Variants in ADAMTS6 observed in about 807,000 individuals in gnomAD.
ADAMTS6 encodes ADAM metallopeptidase with thrombospondin type 1 motif 6.
A neutral mutation model predicts 144.3 loss-of-function variants in ADAMTS6; 23 were observed. The observed-to-expected ratio is 0.16, with a 90% CI of 0.11 to 0.23. The LOEUF (loss-of-function observed/expected upper bound fraction) is 0.23. Among genes scored for constraint, ADAMTS6 ranks in the 10% least tolerant of loss-of-function variants. ADAMTS6 has a pLI of 1.00. For missense variants in ADAMTS6, 999 were observed against 1,379.6 expected (o/e 0.72, Z 4.37); for synonymous variants, 444 against 457.5 (o/e 0.97, Z 0.38).
At chr5:65,310,229 A>T (rs1159573608) in intron 9 of ADAMTS6, among the ~76,000 whole-genome samples, 3 of 152,070 alleles carry the variant, frequency 2.0e-5, no homozygotes, top group African/African-American at 7.2e-5. Context: ...TGCCAGCATC[A>T]TGCTTTCTGT....
At chr5:65,368,667 G>A (rs1328756479) in intron 7 of ADAMTS6, among the ~76,000 whole-genome samples, 1 of 152,204 alleles carries the variant, frequency 6.6e-6, no homozygotes, top group Non-Finnish European at 1.5e-5. Context: ...TGTCAGAGTA[G>A]AAATATAGAA....
intron 1 of ADAMTS6, among the ~76,000 whole-genome samples, chr5:65,476,094 G>C (rs1760823057): frequency 6.6e-6 from 1 of 152,170 alleles, no homozygotes; most frequent in African/African-American, 2.4e-5. Flanking sequence ...TTTAGATGAA[G>C]CAAGCAAGCT....
rs1235818817 is a variant in ADAMTS6, at chr5:65,230,726, A to C, written c.1934-4507T>G. Among the ~76,000 whole-genome samples, 5 of 101,074 alleles carry C rather than the reference A, an allele frequency of 4.9e-5. 1 individual carries two copies. Among genetic ancestry groups the C allele is most frequent in the Non-Finnish European group, 9.5e-5 (5 of 52,482 alleles). 66.3% of individuals were successfully genotyped at this position (101,074 alleles called of 152,430 possible). ...GAAATATATATAACACATATGTATG[A>C]AATATATATATAACACATATGTATG... On this transcript the variant is annotated intron_variant, in intron 15 of 24. Transcript: ENST00000381055.
intron 9 of ADAMTS6, among the ~76,000 whole-genome samples, chr5:65,319,849 G>A (rs2112877821): frequency 6.6e-6 from 1 of 152,078 alleles, no homozygotes; most frequent in Middle Eastern, 3.4e-3. Context: ...TTTTTTGTTT[G>A]TTTGTTTTTC....
intron 24 of ADAMTS6, among the ~76,000 whole-genome samples, chr5:65,165,904 C>G (rs1415235464): frequency 1.4e-5 from 2 of 141,694 alleles, no homozygotes; most frequent in Admixed American, 1.5e-4. Flanking sequence ...AAAGGAACAA[C>G]CGGTACCAGC....
chr5:65,357,628 T>G (rs1749443566), intron 7 of ADAMTS6, among the ~76,000 whole-genome samples: 1 of 149,594 alleles, frequency 6.7e-6, no homozygotes, highest in Non-Finnish European at 1.5e-5. Flanking sequence ...TAAGAAAGTT[T>G]CAAAAAAAAC....
chr5:65,419,568 T>A (rs1161460083), intron 7 of ADAMTS6, among the ~76,000 whole-genome samples: 4 of 152,170 alleles, frequency 2.6e-5, no homozygotes. Flanking sequence ...GAAAAAATTT[T>A]AAAAAGAAAA....
intron 12 of ADAMTS6, among the ~76,000 whole-genome samples, chr5:65,271,473 G>A (rs993799281): frequency 5.3e-5 from 8 of 151,412 alleles, no homozygotes; most frequent in Non-Finnish European, 1.2e-4. Flanking sequence ...TTGTCTGAGA[G>A]TATTTCTAGT....
intron 8 of ADAMTS6, among the ~76,000 whole-genome samples, chr5:65,332,312 T>TATATAGAG (rs1384467152): frequency 3.2e-4 from 33 of 102,114 alleles, no homozygotes; most frequent in South Asian, 6.8e-4. Context: ...TATATATATA[T>TATATAGAG]AGAGAGAGAG....
At chr5:65,312,067 G>C (rs557075483) in intron 9 of ADAMTS6, among the ~76,000 whole-genome samples, 21 of 151,616 alleles carry the variant, frequency 1.4e-4, no homozygotes, top group African/African-American at 5.1e-4. Flanking sequence ...TGCCTCCAAA[G>C]GAAAAAATAA....
At chr5:65,159,820 T>TA (rs1436767537) in intron 24 of ADAMTS6, among the ~76,000 whole-genome samples, 1 of 152,230 alleles carries the variant, frequency 6.6e-6, no homozygotes, top group East Asian at 1.9e-4. Context: ...GGATGTTATT[T>TA]AAAAAATCAT....
rs750391383 is a variant in ADAMTS6 at position 65,214,850 on chromosome 5, A to T, written c.2519T>A (p.Val840Asp). 1.2e-6 allele frequency: 2 copies of T among 1,614,082 alleles called. No homozygotes were observed. The highest frequency in any genetic ancestry group is 4.5e-5 in the East Asian group (2 of 44,898). Reference sequence around the variant, plus strand: ...AGGCTGATGATTCCATGTAAAGCCAACTTCATTATCTCCACTGCCAGTTCG... The same window carrying T: ...AGGCTGATGATTCCATGTAAAGCCATCTTCATTATCTCCACTGCCAGTTCG... ...ITRTGSGDNE[V>D]GFTWNHQPWS... Residue 840 changes from valine (V) to aspartate (D), a missense_variant, in exon 20 of 25, where the codon GTT becomes GAT. Physicochemically the swap from Val to Asp is radical, Grantham distance 152 (BLOSUM62 -3). Around this residue, in one of 3 missense-constraint regions of ADAMTS6, gnomAD observed 619 missense variants for 837.0 expected, o/e 0.74. Coordinates refer to ENST00000381055, the MANE Select transcript of ADAMTS6 (RefSeq NM_197941.4). This position sits in a 1 kb window ranked among gnomAD's most constrained non-coding sequence, Gnocchi z 4.6.
chr5:65,303,397 T>C (rs1743623118), intron 9 of ADAMTS6, among the ~76,000 whole-genome samples: 1 of 152,050 alleles, frequency 6.6e-6, no homozygotes, highest in African/African-American at 2.4e-5. Context: ...ATGCAATAAT[T>C]GAAAAAATAC....
intron 14 of ADAMTS6, 106 bp downstream of exon 14, chr5:65,260,494 C>A: frequency 2.4e-6 from 2 of 846,760 alleles, no homozygotes; most frequent in South Asian, 3.3e-5. Context: ...TTAATGTGAC[C>A]TTCACACACA....
chr5:65,393,093 T>C (rs1255172741), intron 7 of ADAMTS6, among the ~76,000 whole-genome samples: 1 of 152,176 alleles, frequency 6.6e-6, no homozygotes, highest in Admixed American at 6.5e-5. Context: ...TTAGTTCAAA[T>C]ACTCAAGCCA....
chr5:65,437,877 A>G (rs554589515), intron 7 of ADAMTS6, among the ~76,000 whole-genome samples: 17 of 152,180 alleles, frequency 1.1e-4, no homozygotes, highest in African/African-American at 3.9e-4. Flanking sequence ...ATCTGCAAAC[A>G]TGGAACTTGT....
intron 11 of ADAMTS6, among the ~76,000 whole-genome samples, chr5:65,288,949 C>T (rs1033693859): frequency 2.6e-5 from 4 of 152,190 alleles, no homozygotes; most frequent in East Asian, 1.9e-4. Context: ...TATAAACCAG[C>T]GTAGATTTGT....
chr5:65,263,095 C>T (rs1761334418), intron 12 of ADAMTS6, 133 bp from the exon 13 acceptor site: 1 of 1,113,388 alleles, frequency 9.0e-7, no homozygotes, highest in Admixed American at 2.3e-5. Flanking sequence ...ACAGATAGTT[C>T]TCTAACTGTG....
chr5:65,396,242 A>ATT (rs1258433573), intron 7 of ADAMTS6, among the ~76,000 whole-genome samples: 1 of 152,182 alleles, frequency 6.6e-6, no homozygotes, highest in Non-Finnish European at 1.5e-5. Flanking sequence ...AGTCCAAAGG[A>ATT]TATCATTTCT....
Sources: gnomAD v4.1 joint callset for allele counts (sites outside exome capture counted in the v4.1 genomes callset) on GRCh38, gnomAD v4.1.1 for gene constraint, gnomAD v4.1.1 regional missense constraint, Gnocchi (gnomAD v3.1) non-coding constraint, MANE v1.5 for transcripts, NCBI Gene and HGNC (gene_info 2026-07-23, HGNC 2026-07-21) for gene names.